Variants in HVCN1 observed in about 807,000 individuals in gnomAD.
The protein encoded by HVCN1 is voltage-gated hydrogen channel 1.
Under a neutral mutation model 29.2 loss-of-function variants are expected in HVCN1, and 14 were observed. The ratio of observed to expected loss-of-function variants is 0.48; its 90% CI spans 0.32 to 0.75. HVCN1 has a LOEUF of 0.75. Among genes scored for constraint, HVCN1 ranks in the 30% least tolerant of loss-of-function variants. HVCN1 has a pLI of 0.04. For missense variants in HVCN1, 263 were observed against 341.8 expected, an observed-to-expected ratio of 0.77 and a Z score of 1.82; for synonymous variants, 131 against 133.2, an observed-to-expected ratio of 0.98 and a Z score of 0.11.
intron 2 of HVCN1, among the ~76,000 whole-genome samples, chr12:110,699,445 C>T (rs925716481): frequency 6.6e-6 from 1 of 152,038 alleles, no homozygotes; most frequent in African/African-American, 2.4e-5. Flanking sequence ...TCTAGGCCTC[C>T]GTCATTCTAT....
chr12:110,693,558 A>C (rs1367978696), upstream of HVCN1, among the ~76,000 whole-genome samples: 1 of 152,134 alleles, frequency 6.6e-6, no homozygotes, highest in Non-Finnish European at 1.5e-5. Context: ...AGAAAAAAAA[A>C]ACGGAAAAAA....
At chr12:110,662,203 G>A (rs2068199880) in intron 3 of HVCN1, among the ~76,000 whole-genome samples, 1 of 151,904 alleles carries the variant, frequency 6.6e-6, no homozygotes, top group Non-Finnish European at 1.5e-5. Flanking sequence ...AAGAAAGGCT[G>A]GAGAGGCTGG....
intron 3 of HVCN1, among the ~76,000 whole-genome samples, chr12:110,680,317 A>G (rs2068916257): frequency 6.6e-6 from 1 of 151,874 alleles, no homozygotes. Context: ...GTGCATTGCA[A>G]TCCCTACTTC....
At chr12:110,677,023 G>A (rs1255947515) in intron 3 of HVCN1, among the ~76,000 whole-genome samples, 1 of 152,092 alleles carries the variant, frequency 6.6e-6, no homozygotes, top group Non-Finnish European at 1.5e-5. Context: ...GGGCAACAGA[G>A]TGAGACTCCG....
At chr12:110,677,623 A>G (rs1226411246) in intron 3 of HVCN1, among the ~76,000 whole-genome samples, 3 of 152,228 alleles carry the variant, frequency 2.0e-5, no homozygotes, top group African/African-American at 7.2e-5. Context: ...GACTCCAAGC[A>G]GCAGGCTCAG....
intron 1 of HVCN1, among the ~76,000 whole-genome samples, chr12:110,704,387 G>A (rs1216243449): frequency 2.0e-5 from 3 of 152,054 alleles, no homozygotes; most frequent in East Asian, 3.8e-4. Flanking sequence ...GGTGGCTCAC[G>A]CCTGTAATCA....
chr12:110,701,730 G>A (rs1593558488), intron 2 of HVCN1, among the ~76,000 whole-genome samples: 3 of 151,750 alleles, frequency 2.0e-5, no homozygotes, highest in African/African-American at 7.3e-5. Context: ...GGTGGTGCAC[G>A]CCTGTAGCTC....
chr12:110,659,746 C>G (rs2068101822), intron 4 of HVCN1, among the ~76,000 whole-genome samples: 1 of 151,932 alleles, frequency 6.6e-6, no homozygotes, highest in South Asian at 2.1e-4. Context: ...TAGCAAGATC[C>G]CATCTCTTAA....
At position 110,669,384 on chromosome 12, in the gene HVCN1, C is replaced by T. The variant is rs192260166; in HGVS notation, c.22-7936G>A. Among the ~76,000 whole-genome samples, 804 of 152,254 alleles carry T rather than the reference C, an allele frequency of 5.3e-3. 4 individuals carry two copies. The highest frequency in any genetic ancestry group is 8.5e-3 in the Admixed American group (130 of 15,292). On this transcript the variant is annotated intron_variant, in intron 3 of 7. Coordinates refer to ENST00000242607, the MANE Select transcript of HVCN1 (RefSeq NM_032369.4). Reference sequence around the variant, plus strand: ...ACCTGACTGTGTCCCTGCTGTGCAGCGACCTCCATGCCCACAACTGCCTTC... The same window carrying T: ...ACCTGACTGTGTCCCTGCTGTGCAGTGACCTCCATGCCCACAACTGCCTTC...
intron 3 of HVCN1, among the ~76,000 whole-genome samples, chr12:110,663,121 G>T (rs1241158514): frequency 6.6e-6 from 1 of 152,138 alleles, no homozygotes; most frequent in Admixed American, 6.5e-5. Context: ...GGGGTCTCTT[G>T]AACACTGAAG....
In HVCN1 at chr12:110,683,218, C is replaced by T; in HGVS notation, c.21+7G>A. On this transcript the variant is annotated splice_region_variant and intron_variant, in intron 3 of 7. Coordinates refer to ENST00000242607, the MANE Select transcript of HVCN1 (RefSeq NM_032369.4). ...CTCTAATGCTGCAAGACCACAGAAT[C>T]CATTACCTTTTCGTCCCAGGTGGCC... 1 of 1,612,936 alleles carries T rather than the reference C, an allele frequency of 6.2e-7. No individual in the cohort carries two copies. The highest frequency in any genetic ancestry group is 8.5e-7 in the Non-Finnish European group (1 of 1,179,660).
rs138065255 is a variant in HVCN1 at position 110,655,215 on chromosome 12, A to G, written c.411+19T>C. ...GCAAAACATATCAGTAAGACCCCAG[A>G]AGAGCTGTCAACCCCTACCATGGCA... On this transcript the variant is annotated intron_variant, in intron 5 of 7. Coordinates refer to ENST00000242607, the MANE Select transcript of HVCN1 (RefSeq NM_032369.4). 10,004 of 1,577,112 alleles carry G rather than the reference A, an allele frequency of 6.3e-3. 79 individuals are homozygous for G. The highest frequency in any genetic ancestry group is 0.016 in the South Asian group (1,411 of 90,290).
intron 3 of HVCN1, among the ~76,000 whole-genome samples, chr12:110,670,898 A>G (rs932138689): frequency 6.6e-6 from 1 of 152,192 alleles, no homozygotes; most frequent in African/African-American, 2.4e-5. Flanking sequence ...GTCCTTACAA[A>G]AAGAGAAAAG....
chr12:110,661,306 TC>T lies in HVCN1; in HGVS notation c.163del (p.Glu55SerfsTer38). 6.3e-7 allele frequency: 1 copy of T among 1,599,858 alleles called. No individual in the cohort carries two copies. The highest frequency in any genetic ancestry group is 8.6e-7 in the Non-Finnish European group (1 of 1,168,502). On this transcript the variant is annotated frameshift_variant, in exon 4 of 8. Coordinates refer to ENST00000242607, the MANE Select transcript of HVCN1 (RefSeq NM_032369.4). LOFTEE classifies it high-confidence loss of function. The surrounding 1 kb of genome is among the most constrained non-coding windows in gnomAD (Gnocchi z 6.2). ...WENEEEEEEE[E>X]QPPPTPVSGE... ...TGAGACTGGTGTGGGTGGTGGCTGC[TC>T]CTCCTCCTCCTCCTCCTCTTCATTC... is the stretch of plus-strand genomic sequence containing the variant.
chr12:110,691,408 A>C (rs2069404723), upstream of HVCN1, among the ~76,000 whole-genome samples: 1 of 152,180 alleles, frequency 6.6e-6, no homozygotes, highest in Non-Finnish European at 1.5e-5. Context: ...CTGACTTCTC[A>C]GTCATGTATT....
chr12:110,651,463 G>T lies in HVCN1; in HGVS notation c.412-15C>A. On this transcript the variant is annotated splice_polypyrimidine_tract_variant and intron_variant, in intron 5 of 7. Coordinates refer to ENST00000242607, the MANE Select transcript of HVCN1 (RefSeq NM_032369.4). ...TAGTGGAATACCTGAAGGGGACAAG[G>T]AACCACAGTCAGGGGAGATTGGGCC... 6.4e-7 allele frequency: 1 copy of T among 1,568,678 alleles called. No individual in the cohort carries two copies. The highest frequency in any genetic ancestry group is 1.1e-5 in the South Asian group (1 of 90,078).
At chr12:110,651,480 G>T in intron 5 of HVCN1, 32 bp from the exon 6 acceptor site, 2 of 1,489,750 alleles carry the variant, frequency 1.3e-6, no homozygotes, top group Non-Finnish European at 1.9e-6. Flanking sequence ...AGTCAGGGGA[G>T]ATTGGGCCTC....
At position 110,669,033 on chromosome 12, in the gene HVCN1, G is replaced by A. The variant is rs559925531; in HGVS notation, c.22-7585C>T. Among the ~76,000 whole-genome samples, 20 of 151,914 alleles carry A rather than the reference G, an allele frequency of 1.3e-4. No individual in the cohort carries two copies. In the South Asian group the frequency reaches 2.3e-3, roughly 18 times the overall value. ...GGGGCCTTAGCACAGCTGTGTTCTC[G>A]GTGCCGTTCACGTTCAAATCAAAGA... On this transcript the variant is annotated intron_variant, in intron 3 of 7. Transcript: ENST00000242607.
At chr12:110,695,874 G>C (rs982440610) in intron 2 of HVCN1, among the ~76,000 whole-genome samples, 18 of 152,154 alleles carry the variant, frequency 1.2e-4, no homozygotes, top group African/African-American at 4.3e-4. Flanking sequence ...GGAGGAGGCC[G>C]GAGGCCCACA....
Sources: allele counts gnomAD v4.1 joint callset (sites outside exome capture counted in the v4.1 genomes callset), GRCh38; gene constraint gnomAD v4.1.1; non-coding constraint Gnocchi (gnomAD v3.1); transcripts MANE v1.5; gene names NCBI Gene and HGNC (gene_info 2026-07-23, HGNC 2026-07-21).